Variants in FGF14 observed in about 807,000 individuals in gnomAD.
The protein encoded by FGF14 is fibroblast growth factor homologous factor 4.
Under a neutral mutation model 25.5 loss-of-function variants are expected in FGF14, and 5 were observed. The observed-to-expected ratio is 0.20, with a 90% CI of 0.10 to 0.41. The LOEUF (loss-of-function observed/expected upper bound fraction) is 0.41, where lower values mean the gene tolerates loss of function less well. Among genes scored for constraint, FGF14 ranks in the 10% least tolerant of loss-of-function variants. The pLI, the probability that FGF14 is intolerant of heterozygous loss-of-function variation, is 1.00. For synonymous variants in FGF14, 138 were observed against 118.3 expected, an observed-to-expected ratio of 1.17 and a Z score of -1.08; for missense variants, 222 against 320.1, an observed-to-expected ratio of 0.69 and a Z score of 2.34.
chr13:101,821,238 G>A (rs1239451230), intron 3 of FGF14, among the ~76,000 whole-genome samples: 1 of 152,178 alleles, frequency 6.6e-6, no homozygotes, highest in Non-Finnish European at 1.5e-5. Flanking sequence ...GTGAGCCACT[G>A]CGCCCGGCCC....
chr13:101,786,640 C>T (rs940843463), intron 3 of FGF14, among the ~76,000 whole-genome samples: 22 of 152,032 alleles, frequency 1.4e-4, no homozygotes, highest in Admixed American at 1.4e-3. Context: ...TGGATTAGGG[C>T]CCACCCTAAT....
intron 1 of FGF14, among the ~76,000 whole-genome samples, chr13:101,875,919 G>C (rs1320514949): frequency 6.6e-6 from 1 of 152,092 alleles, no homozygotes; most frequent in East Asian, 1.9e-4. Flanking sequence ...AACTCTACTT[G>C]TGAGCTCAGG....
intron 1 of FGF14, among the ~76,000 whole-genome samples, chr13:102,016,270 A>G (rs1279918488): frequency 6.6e-6 from 1 of 152,142 alleles, no homozygotes. Flanking sequence ...ACCACAATAT[A>G]TATGACTATA....
At chr13:102,130,289 G>A (rs2046138897) in intron 1 of FGF14, among the ~76,000 whole-genome samples, 1 of 152,176 alleles carries the variant, frequency 6.6e-6, no homozygotes, top group Non-Finnish European at 1.5e-5. Flanking sequence ...GCAGGGCTGT[G>A]TTCTTTCTGG....
intron 1 of FGF14, among the ~76,000 whole-genome samples, chr13:102,101,432 G>C (rs542408364): frequency 1.3e-5 from 2 of 152,172 alleles, no homozygotes; most frequent in South Asian, 4.1e-4. Flanking sequence ...AGGTAAAGAT[G>C]AGCAAGCAGA....
chr13:102,352,775 G>C (rs1371417602), intron 1 of FGF14, among the ~76,000 whole-genome samples: 1 of 145,040 alleles, frequency 6.9e-6, no homozygotes, highest in Non-Finnish European at 1.5e-5. Context: ...TCGCGCCACT[G>C]CACTCCAGCC....
chr13:102,083,633 T>C (rs970166682), intron 1 of FGF14, among the ~76,000 whole-genome samples: 2 of 152,254 alleles, frequency 1.3e-5, no homozygotes, highest in African/African-American at 4.8e-5. Context: ...TGCTTCAACA[T>C]GCTTTGCCTA....
At chr13:102,169,291 G>A (rs9513989) in intron 1 of FGF14, among the ~76,000 whole-genome samples, 6 of 151,762 alleles carry the variant, frequency 4.0e-5, no homozygotes, top group African/African-American at 1.2e-4. Flanking sequence ...ATTTCCACGC[G>A]GTTTCCAATT....
chr13:101,956,605 T>A (rs2036527854), intron 1 of FGF14, among the ~76,000 whole-genome samples: 1 of 152,030 alleles, frequency 6.6e-6, no homozygotes, highest in Non-Finnish European at 1.5e-5. Context: ...GACCTAAATA[T>A]CTGCTGGGGT....
chr13:102,206,925 A>T (rs2049951978), intron 1 of FGF14, among the ~76,000 whole-genome samples: 1 of 152,172 alleles, frequency 6.6e-6, no homozygotes, highest in Non-Finnish European at 1.5e-5. Context: ...AAATCACACC[A>T]CTGACTACCT....
At chr13:101,889,736 C>T (rs962507571) in intron 1 of FGF14, among the ~76,000 whole-genome samples, 5 of 152,174 alleles carry the variant, frequency 3.3e-5, no homozygotes, top group African/African-American at 1.2e-4. Flanking sequence ...CCATGCAATA[C>T]ATGAAGAAAA....
At chr13:102,336,207 G>C (rs1314853935) in intron 1 of FGF14, among the ~76,000 whole-genome samples, 1 of 152,200 alleles carries the variant, frequency 6.6e-6, no homozygotes, top group Non-Finnish European at 1.5e-5. Flanking sequence ...AGTTTGCCAA[G>C]TGTAAATGTG....
At chr13:102,281,332 A>G (rs940718933) in intron 1 of FGF14, among the ~76,000 whole-genome samples, 1 of 152,202 alleles carries the variant, frequency 6.6e-6, no homozygotes, top group African/African-American at 2.4e-5. Context: ...AATGTCCAGT[A>G]AAGAAGAAGC....
chr13:102,309,348 C>A (rs777864819), intron 1 of FGF14, among the ~76,000 whole-genome samples: 6 of 152,208 alleles, frequency 3.9e-5, no homozygotes, highest in Non-Finnish European at 7.3e-5. Flanking sequence ...TTCTCCAAAG[C>A]CCCATGCTTT....
intron 1 of FGF14, among the ~76,000 whole-genome samples, chr13:102,372,009 A>G (rs1410758525): frequency 6.6e-6 from 1 of 152,184 alleles, no homozygotes; most frequent in African/African-American, 2.4e-5. Flanking sequence ...TTGGGATCAG[A>G]TAAGTAGGAA....
intron 3 of FGF14, among the ~76,000 whole-genome samples, chr13:101,797,565 G>A (rs1000424589): frequency 2.0e-5 from 3 of 152,052 alleles, no homozygotes; most frequent in Non-Finnish European, 4.4e-5. Flanking sequence ...GACAGAGAGC[G>A]CATCATATTA....
chr13:102,151,859 C>T (rs762730340), intron 1 of FGF14, among the ~76,000 whole-genome samples: 2 of 152,124 alleles, frequency 1.3e-5, no homozygotes. Context: ...GTAGATAATA[C>T]TTACATAATA....
At chr13:102,276,298 T>TACAC (rs57994075) in intron 1 of FGF14, among the ~76,000 whole-genome samples, 22,117 of 117,974 alleles carry the variant, frequency 0.19, 2,191 homozygotes, top group Non-Finnish European at 0.22. Flanking sequence ...AACTTGGAAA[T>TACAC]ACACACACAC....
chr13:101,914,428 T>A (rs997596013), intron 1 of FGF14, among the ~76,000 whole-genome samples: 1 of 152,168 alleles, frequency 6.6e-6, no homozygotes, highest in Non-Finnish European at 1.5e-5. Context: ...AATTTCCTTA[T>A]AACGTATCTT....
Sources: allele counts gnomAD v4.1 joint callset (sites outside exome capture counted in the v4.1 genomes callset), GRCh38; gene constraint gnomAD v4.1.1; transcripts MANE v1.5; gene names NCBI Gene and HGNC (gene_info 2026-07-23, HGNC 2026-07-21).